CIAO2B: variants seen among roughly 807,000 people sequenced by gnomAD.
CIAO2B encodes the protein cytosolic iron-sulfur assembly component 2B.
Under a neutral mutation model 16.4 loss-of-function variants are expected in CIAO2B, and 20 were observed. The ratio of observed to expected loss-of-function variants is 1.22; its 90% CI spans 0.86 to 1.77. The LOEUF (loss-of-function observed/expected upper bound fraction) is 1.77. Ranked by LOEUF, CIAO2B falls within the 40% of genes most tolerant of loss-of-function variation. The pLI is 0.00. For synonymous variants in CIAO2B, 106 were observed against 90.4 expected, an observed-to-expected ratio of 1.17 and a Z score of -0.98; for missense variants, 215 against 222.4, an observed-to-expected ratio of 0.97 and a Z score of 0.21.
intron 4 of CIAO2B, 150 bp downstream of exon 4, chr16:66,932,629 TA>T (rs2145490716): frequency 4.3e-6 from 4 of 929,094 alleles, no homozygotes; most frequent in Non-Finnish European, 5.2e-6. Flanking sequence ...AGCTTCGGTC[TA>T]GGCTATAACC....
chr16:66,932,377 G>GA, intron 4 of CIAO2B, 77 bp from the exon 5 acceptor site: 2 of 1,142,084 alleles, frequency 1.8e-6, no homozygotes, highest in South Asian at 2.6e-5. Flanking sequence ...CCCTACCTCT[G>GA]AACCTCTATA....
At chr16:66,933,225 A>G (rs549965490) in intron 3 of CIAO2B, among the ~76,000 whole-genome samples, 131 of 152,090 alleles carry the variant, frequency 8.6e-4, no homozygotes, top group Middle Eastern at 3.4e-3. Flanking sequence ...CTAACCTCAG[A>G]TGATCCACCC....
chr16:66,932,592 G>T (rs371605734), intron 4 of CIAO2B, 188 bp downstream of exon 4: 5 of 756,216 alleles, frequency 6.6e-6, no homozygotes, highest in African/African-American at 1.7e-5. Context: ...AGAGGACATG[G>T]TAAGCAAAGG....
At position 66,932,304 on chromosome 16, in the gene CIAO2B, G is replaced by A; in HGVS notation, c.395-4C>T. 1 of 1,612,888 alleles carries A rather than the reference G, an allele frequency of 6.2e-7. No homozygotes were observed. Among genetic ancestry groups the A allele is most frequent in the Non-Finnish European group, 8.5e-7 (1 of 1,179,080 alleles). On this transcript the variant is annotated splice_polypyrimidine_tract_variant and splice_region_variant and intron_variant, in intron 4 of 4. Transcript: ENST00000422424. The stretch of plus-strand genomic sequence containing the variant: ...TTATCTGCAAGTTGCTTGTTCACTA[G>A]GTGGGAAGAAGGGTGTGGGGAAGGC...
rs762736611 is a variant in CIAO2B at position 66,933,651 on chromosome 16, T to C, written c.311A>G (p.Lys104Arg). The change falls in exon 3 of 5, where the codon AAG (lysine) becomes AGG (arginine). Residue 104 changes from lysine to arginine, a missense_variant. Transcript: ENST00000422424. ...AGGAAGGGAGCGCAGAAGCTTGACCTTGATGGACAGACCAATAAGGGTGGC... is the reference window on the plus strand; with the variant it reads ...AGGAAGGGAGCGCAGAAGCTTGACCCTGATGGACAGACCAATAAGGGTGGC... ...SMATLIGLSIKVKLLRSLPQR... is the reference protein window; with the variant it reads ...SMATLIGLSIRVKLLRSLPQR... The C allele has an allele frequency of 3.4e-5, 54 of 1,608,024 alleles. No individual in the cohort carries two copies. Among genetic ancestry groups the C allele is most frequent in the Non-Finnish European group, 4.4e-5 (52 of 1,177,400 alleles).
At chr16:66,933,351 G>A (rs1840533476) in intron 3 of CIAO2B, 1 of 470,330 alleles carries the variant, frequency 2.1e-6, no homozygotes, top group Non-Finnish European at 3.8e-6. Flanking sequence ...GCCTGCCTGT[G>A]CCCCACCCCT....
intron 4 of CIAO2B, 85 bp downstream of exon 4, chr16:66,932,695 G>T: frequency 6.8e-7 from 1 of 1,468,930 alleles, no homozygotes; most frequent in Non-Finnish European, 9.3e-7. Flanking sequence ...CTCCAGTCTT[G>T]CCCATAGACT....
At position 66,934,204 on chromosome 16, in the gene CIAO2B, G is replaced by A; in HGVS notation, c.142+19C>T. Reference sequence around the variant, plus strand: ...CCGCAAGCCCCCGGAACCCGCCCGCGCCCAGCAGCGGCGGATATCGAAGAT... The same window carrying A: ...CCGCAAGCCCCCGGAACCCGCCCGCACCCAGCAGCGGCGGATATCGAAGAT... On this transcript the variant is annotated intron_variant, in intron 1 of 4. Transcript: ENST00000422424. This position sits in a 1 kb window ranked among gnomAD's most constrained non-coding sequence, Gnocchi z 4.1. The A allele has an allele frequency of 6.2e-7, 1 of 1,608,136 alleles. No homozygotes were observed.
In CIAO2B at chr16:66,933,615, T is replaced by C; in HGVS notation, c.347A>G (p.Lys116Arg). Residue 116 changes from lysine to arginine, a missense_variant and splice_region_variant, in exon 3 of 5, where the codon AAG becomes AGG. By Grantham distance (26) the Lys-to-Arg change is conservative (BLOSUM62 2). Transcript: ENST00000422424. ...TCCCGGGGCTCAGCTCCAACTGACC[T>C]TGAAACGCTGAGGAAGGGAGCGCAG... ...KLLRSLPQRF[K>R]MDVHITPGTH... The C allele has an allele frequency of 6.2e-7, 1 of 1,609,768 alleles. No individual in the cohort carries two copies.
At position 66,934,126 on chromosome 16, in the gene CIAO2B, A is replaced by T; in HGVS notation, c.143-60T>A. 1 of 1,611,694 alleles carries T rather than the reference A, an allele frequency of 6.2e-7. No homozygotes were observed. Among genetic ancestry groups the T allele is most frequent in the Non-Finnish European group, 8.5e-7 (1 of 1,179,114 alleles). ...GCCCACTTAGAACCCTCTGCCAGGAACGCCCTGCTGGGATGCGGCTCCACC... is the reference window on the plus strand; with the variant it reads ...GCCCACTTAGAACCCTCTGCCAGGATCGCCCTGCTGGGATGCGGCTCCACC... On this transcript the variant is annotated intron_variant, in intron 1 of 4. Transcript: ENST00000422424. The surrounding 1 kb of genome is among the most constrained non-coding windows in gnomAD (Gnocchi z 4.1).
At chr16:66,933,148 C>A (rs2145491574) in intron 3 of CIAO2B, among the ~76,000 whole-genome samples, 1 of 152,208 alleles carries the variant, frequency 6.6e-6, no homozygotes, top group East Asian at 1.9e-4. Flanking sequence ...ACCACCACGC[C>A]CCACTAATTT....
At chr16:66,932,449 T>G (rs1020568873) in intron 4 of CIAO2B, 149 bp from the exon 5 acceptor site, 1 of 746,476 alleles carries the variant, frequency 1.3e-6, no homozygotes, top group Non-Finnish European at 2.4e-6. Flanking sequence ...ACCCCACATA[T>G]TGATCAGGCT....
chr16:66,932,444 A>G (rs911392066), intron 4 of CIAO2B, 144 bp from the exon 5 acceptor site: 1 of 753,876 alleles, frequency 1.3e-6, no homozygotes, highest in African/African-American at 1.7e-5. Flanking sequence ...CCAGGACCCC[A>G]CATATTGATC....
At position 66,933,974 on chromosome 16, in the gene CIAO2B, G is replaced by C; in HGVS notation, c.222+13C>G. 1.2e-6 allele frequency: 2 copies of C among 1,613,328 alleles called. No homozygotes were observed. The highest frequency in any genetic ancestry group is 2.2e-5 in the South Asian group (2 of 90,956). On this transcript the variant is annotated intron_variant, in intron 2 of 4. Transcript: ENST00000422424. ...CTCTCTGGAACAACTCGCTCCCCTC[G>C]GAAGTGACTCACCTGAACCCGCACC...
At chr16:66,932,395 T>C in intron 4 of CIAO2B, 95 bp from the exon 5 acceptor site, 2 of 952,290 alleles carry the variant, frequency 2.1e-6, no homozygotes, top group Non-Finnish European at 3.3e-6. Flanking sequence ...ATATAGGATA[T>C]GTCCCCCGCA....
In CIAO2B at chr16:66,933,598, C is replaced by A. The variant is rs1345386837; in HGVS notation, c.348+16G>T. On this transcript the variant is annotated intron_variant, in intron 3 of 4. Transcript: ENST00000422424. Reference sequence around the variant, plus strand: ...TCAATGCCTGGTCTCACTCCCGGGGCTCAGCTCCAACTGACCTTGAAACGC... The same window carrying A: ...TCAATGCCTGGTCTCACTCCCGGGGATCAGCTCCAACTGACCTTGAAACGC... The A allele has an allele frequency of 1.9e-6, 3 of 1,607,836 alleles. No homozygotes were observed. Among genetic ancestry groups the A allele is most frequent in the Non-Finnish European group, 1.7e-6 (2 of 1,177,426 alleles).
intron 3 of CIAO2B, 27 bp downstream of exon 3, chr16:66,933,587 C>T: frequency 6.2e-7 from 1 of 1,605,590 alleles, no homozygotes; most frequent in Non-Finnish European, 8.5e-7. Context: ...TGCCTGGTCT[C>T]ACTCCCGGGG....
chr16:66,933,905 G>T (rs1285006185), intron 2 of CIAO2B, 82 bp downstream of exon 2: 4 of 1,578,810 alleles, frequency 2.5e-6, no homozygotes, highest in Non-Finnish European at 2.6e-6. Flanking sequence ...CGGTGTTCGT[G>T]AGCATAGAGC....
At position 66,932,259 on chromosome 16, in the gene CIAO2B, G is replaced by A. The variant is rs748902735; in HGVS notation, c.436C>T (p.Leu146=). The part of the protein sequence containing the change: ...LADKERVAAA[L]ENTHLLEVVN... ...ACCTCCAAGAGGTGGGTGTTCTCCAGGGCAGCTGCCACCCGCTCCTTATCT... is the reference window on the plus strand; with the variant it reads ...ACCTCCAAGAGGTGGGTGTTCTCCAAGGCAGCTGCCACCCGCTCCTTATCT... Residue 146 remains leucine, a synonymous_variant, in exon 5 of 5, where the codon CTG becomes TTG. Coordinates refer to ENST00000422424, the MANE Select transcript of CIAO2B (RefSeq NM_016062.4). The A allele has an allele frequency of 1.2e-5, 19 of 1,613,872 alleles. No individual in the cohort carries two copies. In the Middle Eastern group the frequency reaches 8.3e-4, roughly 70 times the overall value.
Sources: gnomAD v4.1 joint callset for allele counts (sites outside exome capture counted in the v4.1 genomes callset) on GRCh38, gnomAD v4.1.1 for gene constraint, Gnocchi (gnomAD v3.1) non-coding constraint, MANE v1.5 for transcripts, NCBI Gene and HGNC (gene_info 2026-07-23, HGNC 2026-07-21) for gene names.